The following PARD3B variants were observed in gnomAD, a reference collection of about 807,000 sequenced individuals.
PARD3B encodes par-3 family cell polarity regulator beta.
In PARD3B, 103 loss-of-function variants were observed where a neutral mutation model predicts 130.2. That is an observed-to-expected ratio of 0.79 (90% CI 0.67 to 0.93). PARD3B has a LOEUF of 0.93. Among genes scored for constraint, PARD3B ranks in the 40% least tolerant of loss-of-function variants. The probability of loss-of-function intolerance (pLI) is 0.00; values close to 1 mark genes in which losing one functional copy is unlikely to be tolerated. For missense variants in PARD3B, 1,609 were observed against 1,499.2 expected, an observed-to-expected ratio of 1.07 and a Z score of -1.21; for synonymous variants, 583 against 553.2, an observed-to-expected ratio of 1.05 and a Z score of -0.76.
At chr2:204,970,244 G>C (rs925540344) in intron 3 of PARD3B, among the ~76,000 whole-genome samples, 4 of 152,142 alleles carry the variant, frequency 2.6e-5, no homozygotes, top group African/African-American at 7.2e-5. Context: ...TTTGTCCCTT[G>C]AGAGTCAGTG....
chr2:205,534,392 G>C (rs2051743598), intron 21 of PARD3B, among the ~76,000 whole-genome samples: 1 of 152,138 alleles, frequency 6.6e-6, no homozygotes, highest in African/African-American at 2.4e-5. Flanking sequence ...GCAGAGAGGA[G>C]AGTGAGTGAG....
intron 15 of PARD3B, among the ~76,000 whole-genome samples, chr2:205,235,212 G>C (rs2039011043): frequency 6.6e-6 from 1 of 152,118 alleles, no homozygotes; most frequent in African/African-American, 2.4e-5. Flanking sequence ...TTTGAGCGTA[G>C]GAGTTTGAGA....
intron 19 of PARD3B, among the ~76,000 whole-genome samples, chr2:205,406,538 T>C (rs1421751770): frequency 2.6e-5 from 4 of 152,004 alleles, no homozygotes. Flanking sequence ...TTTCCTTTAT[T>C]GTCTTAATTA....
intron 15 of PARD3B, among the ~76,000 whole-genome samples, chr2:205,193,913 C>T (rs2036533183): frequency 6.6e-6 from 1 of 152,182 alleles, no homozygotes; most frequent in South Asian, 2.1e-4. Context: ...CCTGAACAAC[C>T]TCACTGAGGT....
At chr2:204,691,598 G>A (rs2037355514) in intron 2 of PARD3B, among the ~76,000 whole-genome samples, 1 of 151,964 alleles carries the variant, frequency 6.6e-6, no homozygotes, top group Non-Finnish European at 1.5e-5. Flanking sequence ...TTACAGGGTT[G>A]GTGTAGGAAA....
intron 2 of PARD3B, among the ~76,000 whole-genome samples, chr2:204,886,861 G>A (rs144809804): frequency 2.0e-5 from 3 of 152,290 alleles, no homozygotes; most frequent in Non-Finnish European, 2.9e-5. Context: ...TGTCAGACAG[G>A]TGGTGTGTTT....
At position 205,146,652 on chromosome 2, in the gene PARD3B, A is replaced by G. The variant is rs181056535; in HGVS notation, c.1435-12070A>G. On this transcript the variant is annotated intron_variant, in intron 10 of 22. Coordinates refer to ENST00000406610, the MANE Select transcript of PARD3B (RefSeq NM_001302769.2). The surrounding 1 kb of genome is among the most constrained non-coding windows in gnomAD (Gnocchi z 4.3). ...GGCGACAGAGCGAGACTCCGCCTCA[A>G]AAAAAAAAATTGTTACATCATATTG... Among the ~76,000 whole-genome samples the G allele has an allele frequency of 4.6e-5, 7 of 151,168 alleles. No homozygotes were observed. The highest frequency in any genetic ancestry group is 9.7e-5 in the African/African-American group (4 of 41,406).
intron 18 of PARD3B, among the ~76,000 whole-genome samples, chr2:205,399,926 C>T (rs1057306690): frequency 1.2e-4 from 18 of 152,074 alleles, no homozygotes; most frequent in African/African-American, 4.3e-4. Flanking sequence ...AGGCAGAGAT[C>T]GGGTTCTAAT....
rs2040401730 is a variant in PARD3B at position 205,263,694 on chromosome 2, G to T, written c.2185+17872G>T. ...CTTTTTAGAGCACTAAAACCAGGAA[G>T]TACAAAAAAATCAACAAATTAGATC... On this transcript the variant is annotated intron_variant, in intron 16 of 22. Coordinates refer to ENST00000406610, the MANE Select transcript of PARD3B (RefSeq NM_001302769.2). The surrounding 1 kb of genome is among the most constrained non-coding windows in gnomAD (Gnocchi z 4.0). Among the ~76,000 whole-genome samples the T allele has an allele frequency of 6.6e-6, 1 of 150,744 alleles. No homozygotes were observed. Among genetic ancestry groups the T allele is most frequent in the African/African-American group, 2.4e-5 (1 of 41,004 alleles).
At position 205,591,473 on chromosome 2, in the gene PARD3B, C is replaced by G. The variant is rs1243043394; in HGVS notation, c.3261-23983C>G. 6.6e-6 allele frequency among the ~76,000 whole-genome samples: 1 copy of G among 152,174 alleles called. No individual in the cohort carries two copies. Among genetic ancestry groups the G allele is most frequent in the East Asian group, 1.9e-4 (1 of 5,198 alleles). The stretch of plus-strand genomic sequence containing the variant: ...TCAGTCACTTACCACACCCATGCAC[C>G]ATGCTGAGTGCTTTACAGACTTTCT... On this transcript the variant is annotated intron_variant, in intron 22 of 22. Coordinates refer to ENST00000406610, the MANE Select transcript of PARD3B (RefSeq NM_001302769.2). The surrounding 1 kb of genome is among the most constrained non-coding windows in gnomAD (Gnocchi z 4.2).
chr2:205,334,387 C>T (rs760739573), intron 18 of PARD3B, among the ~76,000 whole-genome samples: 2 of 152,126 alleles, frequency 1.3e-5, no homozygotes, highest in Non-Finnish European at 2.9e-5. Context: ...AATGTTAGCA[C>T]GTGGTCACAT....
At chr2:204,817,173 T>C (rs2043177986) in intron 2 of PARD3B, among the ~76,000 whole-genome samples, 2 of 152,168 alleles carry the variant, frequency 1.3e-5, no homozygotes, top group African/African-American at 4.8e-5. Context: ...TCTCACATTT[T>C]TGTGAGTTCT....
rs192096850 is a variant in PARD3B at position 205,300,770 on chromosome 2, A to G, written c.2392+34A>G. The G allele has an allele frequency of 2.5e-6, 4 of 1,580,250 alleles. No homozygotes were observed. ...ATATGCTTCCTTAAATGGCTTCTTC[A>G]TCTCATTATTATCTGCAAATCATGG... On this transcript the variant is annotated intron_variant, in intron 17 of 22. Transcript: ENST00000406610. This position sits in a 1 kb window ranked among gnomAD's most constrained non-coding sequence, Gnocchi z 4.1.
At chr2:204,854,077 C>A (rs1410034904) in intron 2 of PARD3B, among the ~76,000 whole-genome samples, 1 of 151,968 alleles carries the variant, frequency 6.6e-6, no homozygotes, top group African/African-American at 2.4e-5. Flanking sequence ...TGAGAAAGAA[C>A]AGAGCTTGGA....
At chr2:204,803,790 G>A (rs2042663161) in intron 2 of PARD3B, among the ~76,000 whole-genome samples, 1 of 152,144 alleles carries the variant, frequency 6.6e-6, no homozygotes, top group African/African-American at 2.4e-5. Flanking sequence ...AAGGAAAGAA[G>A]GAAGGAGGAG....
chr2:204,630,117 A>T (rs1223428053), intron 1 of PARD3B, among the ~76,000 whole-genome samples: 1 of 152,136 alleles, frequency 6.6e-6, no homozygotes, highest in Non-Finnish European at 1.5e-5. Context: ...GATGATATAA[A>T]CTATACAAAC....
At chr2:205,462,929 C>T (rs1218592931) in intron 20 of PARD3B, among the ~76,000 whole-genome samples, 1 of 152,142 alleles carries the variant, frequency 6.6e-6, no homozygotes, top group Non-Finnish European at 1.5e-5. Flanking sequence ...TTGTAATGAA[C>T]CAACCTGAAC....
intron 12 of PARD3B, among the ~76,000 whole-genome samples, chr2:205,173,141 A>T (rs928807499): frequency 2.0e-5 from 3 of 152,210 alleles, no homozygotes; most frequent in Admixed American, 6.5e-5. Flanking sequence ...ACATTTTGTC[A>T]TATCAGGATA....
chr2:205,255,023 C>A (rs1016831405), intron 16 of PARD3B, among the ~76,000 whole-genome samples: 2 of 152,016 alleles, frequency 1.3e-5, no homozygotes, highest in African/African-American at 4.8e-5. Flanking sequence ...ATGACCTGCC[C>A]TTCCAGCCTT....
Sources: allele counts gnomAD v4.1 joint callset (sites outside exome capture counted in the v4.1 genomes callset), GRCh38; gene constraint gnomAD v4.1.1; non-coding constraint Gnocchi (gnomAD v3.1); transcripts MANE v1.5; gene names NCBI Gene and HGNC (gene_info 2026-07-23, HGNC 2026-07-21).